SYN3: variants seen among roughly 807,000 people sequenced by gnomAD.
SYN3 encodes synapsin-3.
A neutral mutation model predicts 65.8 loss-of-function variants in SYN3; 35 were observed. The observed-to-expected ratio is 0.53, with a 90% CI of 0.41 to 0.70. The LOEUF (loss-of-function observed/expected upper bound fraction) is 0.70, where lower values mean the gene tolerates loss of function less well. Ranked by LOEUF, SYN3 falls within the 30% of genes least tolerant of loss-of-function variation. SYN3 has a pLI of 0.00. For missense variants in SYN3, 680 were observed against 749.0 expected (o/e 0.91, Z 1.08); for synonymous variants, 270 against 292.9 (o/e 0.92, Z 0.80).
At chr22:32,642,842 C>A (rs1011667995) in intron 6 of SYN3, among the ~76,000 whole-genome samples, 2 of 152,126 alleles carry the variant, frequency 1.3e-5, no homozygotes, top group East Asian at 3.8e-4. Context: ...CAGGCTTGAG[C>A]CACTGTGCTT....
intron 6 of SYN3, among the ~76,000 whole-genome samples, chr22:32,768,508 C>T (rs906812193): frequency 6.6e-6 from 1 of 152,198 alleles, no homozygotes; most frequent in Non-Finnish European, 1.5e-5. Flanking sequence ...TTATCCCAGA[C>T]CTCCTTCTGA....
chr22:33,023,201 G>A (rs1341325410), intron 1 of SYN3, among the ~76,000 whole-genome samples: 1 of 152,140 alleles, frequency 6.6e-6, no homozygotes, highest in Non-Finnish European at 1.5e-5. Flanking sequence ...TTGGCTCCGT[G>A]TCCCGACCCA....
Position 32,989,794 on chromosome 22 carries a change from C to T in SYN3, c.312-9092G>A, listed in dbSNP as rs1267798102. Among the ~76,000 whole-genome samples, 7 of 142,634 alleles carry T rather than the reference C, an allele frequency of 4.9e-5. No homozygotes were observed. In the East Asian group the frequency reaches 1.5e-3, roughly 30 times the overall value. The allele number at this position is 142,634 out of a possible 152,430, so 93.6% of individuals were successfully genotyped here. A position where few individuals can be genotyped will look rare whatever the true frequency, so the allele number is the denominator to read the frequency against. ...AGGTTGCAGTGAGCCAAGATCAAGC[C>T]ACTGCACTCCAGCCTGGGTGACAGA... On this transcript the variant is annotated intron_variant, in intron 2 of 13. Coordinates refer to ENST00000358763, the MANE Select transcript of SYN3 (RefSeq NM_003490.4).
chr22:32,587,664 T>TCATA (rs1828656964), intron 7 of SYN3, among the ~76,000 whole-genome samples: 1 of 152,152 alleles, frequency 6.6e-6, no homozygotes, highest in Non-Finnish European at 1.5e-5. Context: ...TGAGTCAGCC[T>TCATA]AAGAGAAGGG....
At chr22:32,755,519 T>C (rs1250285024) in intron 6 of SYN3, among the ~76,000 whole-genome samples, 1 of 152,226 alleles carries the variant, frequency 6.6e-6, no homozygotes, top group African/African-American at 2.4e-5. Context: ...GGCAGAACCA[T>C]GATTCCAACT....
chr22:32,889,679 CTG>C (rs1206458551), intron 4 of SYN3, among the ~76,000 whole-genome samples: 1 of 151,746 alleles, frequency 6.6e-6, no homozygotes, highest in East Asian at 1.9e-4. Context: ...TTAAAACTGA[CTG>C]TATCCAGGGA....
intron 7 of SYN3, among the ~76,000 whole-genome samples, chr22:32,572,382 C>CTTCCTTAGCTCCTTCTCTTCA (rs1569051514): frequency 1.9e-4 from 8 of 42,012 alleles, no homozygotes; most frequent in African/African-American, 5.4e-4. Flanking sequence ...TCCCTCCCAT[C>CTTCCTTAGCTCCTTCTCTTCA]TTTCCTTCCT....
intron 6 of SYN3, among the ~76,000 whole-genome samples, chr22:32,858,872 C>G (rs545684782): frequency 6.6e-6 from 1 of 152,108 alleles, no homozygotes; most frequent in South Asian, 2.1e-4. Context: ...CCACCTGAGA[C>G]GAAAAAGTCC....
intron 6 of SYN3, among the ~76,000 whole-genome samples, chr22:32,689,112 T>C (rs1341882059): frequency 1.3e-5 from 2 of 152,138 alleles, no homozygotes; most frequent in Non-Finnish European, 2.9e-5. Context: ...CTAGGGGTAG[T>C]GGGGGTAGCA....
chr22:32,570,151 C>T (rs1426276957), intron 7 of SYN3, among the ~76,000 whole-genome samples: 1 of 152,088 alleles, frequency 6.6e-6, no homozygotes, highest in African/African-American at 2.4e-5. Flanking sequence ...TAACCAACCT[C>T]CCTCCACACA....
chr22:32,964,339 C>T (rs1298673044), intron 3 of SYN3, among the ~76,000 whole-genome samples: 5 of 148,832 alleles, frequency 3.4e-5, no homozygotes, highest in African/African-American at 1.2e-4. Context: ...TTAATGGGTG[C>T]AGCACACCAA....
intron 6 of SYN3, among the ~76,000 whole-genome samples, chr22:32,777,595 T>G (rs2045940076): frequency 1.3e-5 from 2 of 152,172 alleles, no homozygotes; most frequent in African/African-American, 2.4e-5. Context: ...CCTGAGCTCC[T>G]GTGTGTCGGG....
In SYN3 at chr22:32,541,657, G is replaced by A. The variant is rs2058257423; in HGVS notation, c.831C>T (p.Ala277=). The change falls in exon 8 of 14, where the codon GCC becomes GCT. Residue 277 remains alanine (A), a synonymous_variant. Transcript: ENST00000358763. ...AGGCCTCGGTGGTGGCGTAGGTTTT[G>A]GCCATGGCGACCACGCTGGTGATGT... The part of the protein sequence containing the change: ...FQDITSVVAM[A]KTYATTEAFI... 1 of 1,613,824 alleles carries A rather than the reference G, an allele frequency of 6.2e-7. No homozygotes were observed. Among genetic ancestry groups the A allele is most frequent in the Non-Finnish European group, 8.5e-7 (1 of 1,179,950 alleles).
At chr22:33,031,383 C>A (rs2053752803) in intron 1 of SYN3, among the ~76,000 whole-genome samples, 1 of 152,204 alleles carries the variant, frequency 6.6e-6, no homozygotes, top group East Asian at 1.9e-4. Flanking sequence ...TCTCACCTCC[C>A]AGACCCCGAC....
intron 1 of SYN3, among the ~76,000 whole-genome samples, chr22:33,050,479 C>CA (rs58653594): frequency 0.018 from 1,932 of 108,360 alleles, 45 homozygotes; most frequent in African/African-American, 0.049. Flanking sequence ...GAGACTGTTT[C>CA]AAAAAAAAAA....
intron 1 of SYN3, among the ~76,000 whole-genome samples, chr22:33,026,430 C>T (rs77657051): frequency 6.6e-6 from 1 of 152,174 alleles, no homozygotes; most frequent in African/African-American, 2.4e-5. Context: ...CTCCAGATCA[C>T]CTTTTTTGCC....
intron 6 of SYN3, 118 bp from the exon 7 acceptor site, chr22:32,596,854 G>A (rs1183098946): frequency 1.9e-6 from 2 of 1,039,932 alleles, no homozygotes; most frequent in East Asian, 2.6e-5. Flanking sequence ...ATCCCCACAA[G>A]AATGCTTCGA....
intron 7 of SYN3, among the ~76,000 whole-genome samples, chr22:32,567,308 C>T (rs919903264): frequency 4.7e-5 from 7 of 150,412 alleles, no homozygotes; most frequent in African/African-American, 9.8e-5. Flanking sequence ...TGCAATAGAA[C>T]GATGACGGAG....
At chr22:32,548,042 G>C (rs1331561210) in intron 7 of SYN3, among the ~76,000 whole-genome samples, 1 of 152,070 alleles carries the variant, frequency 6.6e-6, no homozygotes, top group Non-Finnish European at 1.5e-5. Flanking sequence ...TTCCTAATAC[G>C]AGCTGCTTCC....
Sources: allele counts gnomAD v4.1 joint callset (sites outside exome capture counted in the v4.1 genomes callset), GRCh38; gene constraint gnomAD v4.1.1; transcripts MANE v1.5; gene names NCBI Gene and HGNC (gene_info 2026-07-23, HGNC 2026-07-21).